KLHL3: variants seen among roughly 807,000 people sequenced by gnomAD.
The protein encoded by KLHL3 is kelch like family member 3, also known as kelch-like protein 3.
A neutral mutation model predicts 70.5 loss-of-function variants in KLHL3; 19 were observed. The ratio of observed to expected loss-of-function variants is 0.27; its 90% CI spans 0.19 to 0.40. The LOEUF (loss-of-function observed/expected upper bound fraction) is 0.40. Ranked by LOEUF, KLHL3 falls within the 10% of genes least tolerant of loss-of-function variation. The pLI, the probability that KLHL3 is intolerant of heterozygous loss-of-function variation, is 1.00. For missense variants in KLHL3, 512 were observed against 771.1 expected (o/e 0.66, Z 3.98); for synonymous variants, 258 against 290.3 (o/e 0.89, Z 1.13).
At chr5:137,692,819 T>TAC (rs3045645) in intron 4 of KLHL3, 9,078 of 167,732 alleles carry the variant, frequency 0.054, 197 homozygotes, top group Non-Finnish European at 0.063. Flanking sequence ...AACAAAACTC[T>TAC]ACACACACAC....
chr5:137,715,414 T>C (rs979930959), intron 2 of KLHL3, among the ~76,000 whole-genome samples: 2 of 152,212 alleles, frequency 1.3e-5, no homozygotes, highest in South Asian at 2.1e-4. Flanking sequence ...TCCATAAGTA[T>C]ACCCAGCCTC....
chr5:137,709,692 T>C, intron 3 of KLHL3, 58 bp downstream of exon 3: 2 of 1,342,696 alleles, frequency 1.5e-6, no homozygotes, highest in Non-Finnish European at 2.1e-6. Context: ...ACCCCCAACA[T>C]TCTCCCAGTG....
chr5:137,674,674 G>T (rs1751844031), intron 6 of KLHL3, among the ~76,000 whole-genome samples: 1 of 152,158 alleles, frequency 6.6e-6, no homozygotes, highest in East Asian at 1.9e-4. Context: ...TACCAACCCA[G>T]TTGGGTTTTC....
rs752223224 is a variant in KLHL3, at chr5:137,637,304, G to A, written c.1311C>T (p.Gly437=). 8.7e-6 allele frequency: 14 copies of A among 1,613,740 alleles called. No individual in the cohort carries two copies. The highest frequency in any genetic ancestry group is 1.3e-5 in the African/African-American group (1 of 74,924). ...CTGCCGCCTCCTTACCCTCCACAAC[G>A]CCCACACCCACACTGCTCCGCCGCG... ...MNTRRSSVGV[G]VVEGKLYAVG... Residue 437 remains glycine (G), a synonymous_variant, in exon 11 of 15, where the codon GGC becomes GGT. Coordinates refer to ENST00000309755, the MANE Select transcript of KLHL3 (RefSeq NM_017415.3).
At chr5:137,707,572 T>G (rs893183703) in intron 3 of KLHL3, 2 of 154,400 alleles carry the variant, frequency 1.3e-5, no homozygotes, top group Non-Finnish European at 2.9e-5. Flanking sequence ...TACACGTAAT[T>G]TTTTACTTTT....
Position 137,637,302 on chromosome 5 carries a change from A to G in KLHL3, c.1313T>C (p.Val438Ala), listed in dbSNP as rs778631772. 6.8e-6 allele frequency: 11 copies of G among 1,613,606 alleles called. No individual in the cohort carries two copies. Among genetic ancestry groups the G allele is most frequent in the Non-Finnish European group, 9.3e-6 (11 of 1,179,730 alleles). ...CACTGCCGCCTCCTTACCCTCCACA[A>G]CGCCCACACCCACACTGCTCCGCCG... Reference protein sequence around the residue: ...NTRRSSVGVGVVEGKLYAVGG... With the variant: ...NTRRSSVGVGAVEGKLYAVGG... The change falls in exon 11 of 15, where the codon GTT (valine) becomes GCT (alanine). Residue 438 changes from valine (V) to alanine (A), a missense_variant. Coordinates refer to ENST00000309755, the MANE Select transcript of KLHL3 (RefSeq NM_017415.3).
intron 7 of KLHL3, chr5:137,661,025 G>A (rs1486476053): frequency 6.6e-6 from 1 of 152,198 alleles, no homozygotes; most frequent in African/African-American, 2.4e-5. Flanking sequence ...CTAACCTGCT[G>A]TCTCGATGTT....
At chr5:137,634,003 C>G in intron 12 of KLHL3, 34 bp downstream of exon 12, 5 of 1,613,804 alleles carry the variant, frequency 3.1e-6, no homozygotes, top group Non-Finnish European at 4.2e-6. Flanking sequence ...GTGAGCAAAT[C>G]AGACACAGCC....
In KLHL3 at chr5:137,692,274, C is replaced by T. The variant is rs1398770876; in HGVS notation, c.526+11G>A. The T allele has an allele frequency of 6.2e-7, 1 of 1,607,984 alleles. No individual in the cohort carries two copies. The highest frequency in any genetic ancestry group is 8.5e-7 in the Non-Finnish European group (1 of 1,177,424). ...ACTCGGAGGAGGTGCAGCAGTCCGG[C>T]TCCCCCTTACCTGCGTAGGCATTGG... On this transcript the variant is annotated intron_variant, in intron 5 of 14. Coordinates refer to ENST00000309755, the MANE Select transcript of KLHL3 (RefSeq NM_017415.3).
At position 137,722,239 on chromosome 5, in the gene KLHL3, G is replaced by A. The variant is rs769979301; in HGVS notation, c.15-1655C>T. Among the ~76,000 whole-genome samples the A allele has an allele frequency of 1.1e-4, 16 of 152,182 alleles. 1 individual carries two copies. Among genetic ancestry groups the A allele is most frequent in the Admixed American group, 1.0e-3 (16 of 15,282 alleles). On this transcript the variant is annotated intron_variant, in intron 1 of 14. Transcript: ENST00000309755. ...TCTCACACTGGAATTCGTAACTATTGGAACATTCAAATACGACCAGCGTGG... is the reference window on the plus strand; with the variant it reads ...TCTCACACTGGAATTCGTAACTATTAGAACATTCAAATACGACCAGCGTGG...
At chr5:137,699,182 A>G (rs571978625) in intron 3 of KLHL3, among the ~76,000 whole-genome samples, 3 of 152,184 alleles carry the variant, frequency 2.0e-5, no homozygotes, top group Non-Finnish European at 4.4e-5. Context: ...CACATTTGAG[A>G]GAGGTATTAG....
At chr5:137,702,593 C>T (rs529035917) in intron 3 of KLHL3, among the ~76,000 whole-genome samples, 19 of 152,262 alleles carry the variant, frequency 1.2e-4, no homozygotes, top group Admixed American at 3.3e-4. Flanking sequence ...CAGGGAGCCC[C>T]TGATAGATTT....
intron 10 of KLHL3, 23 bp from the exon 11 acceptor site, chr5:137,637,418 G>C (rs1011863957): frequency 1.2e-6 from 2 of 1,604,908 alleles, no homozygotes; most frequent in African/African-American, 2.7e-5. Context: ...AGACTCATGA[G>C]ACTTCCGTGG....
intron 1 of KLHL3, among the ~76,000 whole-genome samples, chr5:137,731,946 T>C (rs1040548585): frequency 6.6e-6 from 1 of 152,166 alleles, no homozygotes; most frequent in Non-Finnish European, 1.5e-5. Context: ...TCTCCAGAAT[T>C]ATTTCATCTT....
intron 6 of KLHL3, among the ~76,000 whole-genome samples, chr5:137,669,279 T>C (rs1751690664): frequency 6.6e-6 from 1 of 152,146 alleles, no homozygotes; most frequent in African/African-American, 2.4e-5. Flanking sequence ...CTCTCCTCTA[T>C]GTGAATATAA....
chr5:137,708,572 T>C (rs995479875), intron 3 of KLHL3, among the ~76,000 whole-genome samples: 2 of 152,160 alleles, frequency 1.3e-5, no homozygotes, highest in African/African-American at 4.8e-5. Context: ...GCTCAGTATA[T>C]GGTAACAAAC....
At chr5:137,725,851 G>A (rs868391715) in intron 1 of KLHL3, among the ~76,000 whole-genome samples, 2 of 152,196 alleles carry the variant, frequency 1.3e-5, no homozygotes, top group Admixed American at 6.5e-5. Context: ...CAGAAAGGGT[G>A]TTGCAAATTG....
chr5:137,697,370 G>A (rs1177809045), intron 4 of KLHL3, among the ~76,000 whole-genome samples: 1 of 152,034 alleles, frequency 6.6e-6, no homozygotes, highest in Non-Finnish European at 1.5e-5. Context: ...CACTGTGTTG[G>A]CCAGGCTGGT....
Position 137,639,985 on chromosome 5 carries a change from G to A in KLHL3, c.904-8C>T, listed in dbSNP as rs1750870967. ...GCCAACCACAATCATGACCTCCGGA[G>A]AGACAAGTGGACGTTAGCGGGGTCA... On this transcript the variant is annotated splice_polypyrimidine_tract_variant and splice_region_variant and intron_variant, in intron 8 of 14. Coordinates refer to ENST00000309755, the MANE Select transcript of KLHL3 (RefSeq NM_017415.3). This position sits in a 1 kb window ranked among gnomAD's most constrained non-coding sequence, Gnocchi z 5.0. 1.1e-5 allele frequency: 18 copies of A among 1,612,598 alleles called. No homozygotes were observed. In the East Asian group the frequency reaches 3.6e-4, roughly 32 times the overall value.
Sources: gnomAD v4.1 joint callset for allele counts (sites outside exome capture counted in the v4.1 genomes callset) on GRCh38, gnomAD v4.1.1 for gene constraint, Gnocchi (gnomAD v3.1) non-coding constraint, MANE v1.5 for transcripts, NCBI Gene and HGNC (gene_info 2026-07-23, HGNC 2026-07-21) for gene names.